The following ZNF385D variants were observed in gnomAD, a reference collection of about 807,000 sequenced individuals.
ZNF385D encodes zinc finger protein 385D, also known as zinc finger protein 659.
ZNF385D carries 15 observed loss-of-function variants against 35.8 expected under a neutral mutation model. The ratio of observed to expected loss-of-function variants is 0.42; its 90% CI spans 0.28 to 0.64. The LOEUF is 0.64. Ranked by LOEUF, ZNF385D falls within the 30% of genes least tolerant of loss-of-function variation. ZNF385D has a pLI of 0.23. For synonymous variants in ZNF385D, 212 were observed against 186.8 expected (o/e 1.13, Z -1.10); for missense variants, 474 against 494.6 (o/e 0.96, Z 0.39).
At chr3:21,711,336 C>T (rs1350032921) in intron 1 of ZNF385D, among the ~76,000 whole-genome samples, 5 of 151,978 alleles carry the variant, frequency 3.3e-5, no homozygotes, top group African/African-American at 1.2e-4. Context: ...CCACCGCGCC[C>T]GGCCGCCAAA....
At chr3:21,622,276 A>C (rs1206539838) in intron 2 of ZNF385D, among the ~76,000 whole-genome samples, 1 of 152,154 alleles carries the variant, frequency 6.6e-6, no homozygotes. Context: ...TCAGACTTTC[A>C]ATATCTTAAA....
chr3:21,722,872 T>C (rs1365515488), intron 1 of ZNF385D, among the ~76,000 whole-genome samples: 1 of 152,208 alleles, frequency 6.6e-6, no homozygotes, highest in Non-Finnish European at 1.5e-5. Context: ...TTCTCCTCCA[T>C]TTCTCATACC....
chr3:22,069,145 C>A (rs576791271), intron 3 of ZNF385D, among the ~76,000 whole-genome samples: 3 of 152,302 alleles, frequency 2.0e-5, no homozygotes, highest in Non-Finnish European at 2.9e-5. Context: ...TTAATAGATT[C>A]TCTCCCAACT....
intron 2 of ZNF385D, among the ~76,000 whole-genome samples, chr3:22,212,190 G>T (rs1342360990): frequency 6.6e-6 from 1 of 151,702 alleles, no homozygotes; most frequent in Non-Finnish European, 1.5e-5. Flanking sequence ...TGAGGAAGAG[G>T]GAGAAAAGAC....
chr3:21,832,455 G>C (rs1379274513), intron 3 of ZNF385D, among the ~76,000 whole-genome samples: 1 of 152,150 alleles, frequency 6.6e-6, no homozygotes, highest in Non-Finnish European at 1.5e-5. Context: ...CTAGCTAATA[G>C]GGTGTCATAC....
intron 2 of ZNF385D, among the ~76,000 whole-genome samples, chr3:22,329,713 G>A (rs188816270): frequency 1.3e-5 from 2 of 152,084 alleles, no homozygotes; most frequent in South Asian, 2.1e-4. Context: ...TGTAATGCAA[G>A]CCACATGTAA....
chr3:22,306,990 A>G (rs1268943355), intron 2 of ZNF385D, among the ~76,000 whole-genome samples: 1 of 152,184 alleles, frequency 6.6e-6, no homozygotes, highest in Non-Finnish European at 1.5e-5. Flanking sequence ...TAGAGTTTCA[A>G]GAAGGTAACA....
In ZNF385D at chr3:21,901,786, T is replaced by G. The variant is rs966136172; in HGVS notation, c.326-236758A>C. On this transcript the variant is annotated intron_variant, in intron 3 of 5. Coordinates refer to the ZNF385D transcript ENST00000494108. ...AATGTGACAAGTATTAGGGGATAAGTTGGTACAGGAAGACCCAGACTAACA... is the reference window on the plus strand; with the variant it reads ...AATGTGACAAGTATTAGGGGATAAGGTGGTACAGGAAGACCCAGACTAACA... 2.0e-5 allele frequency among the ~76,000 whole-genome samples: 3 copies of G among 152,152 alleles called. No homozygotes were observed. In the East Asian group the frequency reaches 5.8e-4, roughly 29 times the overall value.
chr3:21,814,675 T>C (rs1199936189), intron 3 of ZNF385D, among the ~76,000 whole-genome samples: 6 of 152,142 alleles, frequency 3.9e-5, no homozygotes, highest in African/African-American at 1.2e-4. Flanking sequence ...GCACCCAGAT[T>C]CATAAAGCAA....
intron 3 of ZNF385D, among the ~76,000 whole-genome samples, chr3:22,149,823 C>G (rs557063578): frequency 2.6e-4 from 39 of 152,224 alleles, no homozygotes; most frequent in Non-Finnish European, 4.3e-4. Context: ...CTTTGCTATC[C>G]TTAAGTCTCA....
At chr3:21,796,800 C>T (rs956944854) in intron 3 of ZNF385D, among the ~76,000 whole-genome samples, 2 of 152,128 alleles carry the variant, frequency 1.3e-5, no homozygotes, top group African/African-American at 4.8e-5. Context: ...AGATTTGAAC[C>T]CAGATCTGGC....
intron 3 of ZNF385D, among the ~76,000 whole-genome samples, chr3:21,544,024 T>C (rs941311155): frequency 6.6e-6 from 1 of 152,174 alleles, no homozygotes; most frequent in Non-Finnish European, 1.5e-5. Flanking sequence ...GTGATGTCCG[T>C]AAAAAGAGTT....
intron 3 of ZNF385D, among the ~76,000 whole-genome samples, chr3:22,115,371 G>C (rs542876457): frequency 6.6e-6 from 1 of 152,128 alleles, no homozygotes; most frequent in Admixed American, 6.6e-5. Context: ...CCAAAATGAA[G>C]TTTGTGCACA....
At chr3:21,669,290 G>A (rs997525560) in intron 1 of ZNF385D, among the ~76,000 whole-genome samples, 5 of 152,136 alleles carry the variant, frequency 3.3e-5, no homozygotes, top group African/African-American at 1.2e-4. Flanking sequence ...AATAATTAAT[G>A]TAAACTAAGT....
At chr3:21,496,469 T>G (rs1705877410) in intron 4 of ZNF385D, among the ~76,000 whole-genome samples, 2 of 76,610 alleles carry the variant, frequency 2.6e-5, no homozygotes, top group African/African-American at 5.7e-5. Flanking sequence ...ATATATCATA[T>G]ATATACATAT....
chr3:21,425,256 T>G (rs2125197625), intron 6 of ZNF385D, among the ~76,000 whole-genome samples: 1 of 152,348 alleles, frequency 6.6e-6, no homozygotes, highest in Non-Finnish European at 1.5e-5. Context: ...CAACAATTTC[T>G]GAAAGATTCT....
intron 3 of ZNF385D, among the ~76,000 whole-genome samples, chr3:22,060,990 A>C (rs943232201): frequency 1.3e-5 from 2 of 152,162 alleles, no homozygotes; most frequent in African/African-American, 4.8e-5. Flanking sequence ...ATAACTGTTA[A>C]ATAAATGTAT....
intron 2 of ZNF385D, among the ~76,000 whole-genome samples, chr3:22,365,425 A>T (rs1034040487): frequency 6.6e-6 from 1 of 152,096 alleles, no homozygotes; most frequent in Non-Finnish European, 1.5e-5. Context: ...AGAACATCTC[A>T]TTAGCTGATA....
intron 1 of ZNF385D, among the ~76,000 whole-genome samples, chr3:21,678,268 G>A (rs1575445272): frequency 6.6e-6 from 1 of 152,042 alleles, no homozygotes; most frequent in East Asian, 1.9e-4. Flanking sequence ...GCTTGCCCAG[G>A]TTATGAAGAT....
Sources: gnomAD v4.1 joint callset for allele counts (sites outside exome capture counted in the v4.1 genomes callset) on GRCh38, gnomAD v4.1.1 for gene constraint, MANE v1.5 for transcripts, NCBI Gene and HGNC (gene_info 2026-07-23, HGNC 2026-07-21) for gene names.